Variants in CACNA2D3 observed in about 807,000 individuals in gnomAD.
CACNA2D3 encodes calcium voltage-gated channel auxiliary subunit alpha2delta 3, also known as voltage-dependent calcium channel subunit alpha-2/delta-3.
CACNA2D3 carries 60 observed loss-of-function variants against 160.6 expected under a neutral mutation model. The ratio of observed to expected loss-of-function variants is 0.37; its 90% confidence interval spans 0.30 to 0.46. The LOEUF (loss-of-function observed/expected upper bound fraction) is 0.46. CACNA2D3 is among the 20% of genes least tolerant of loss of function. The probability of loss-of-function intolerance (pLI) is 1.00; values close to 1 mark genes in which losing one functional copy is unlikely to be tolerated. For synonymous variants in CACNA2D3, 558 were observed against 492.9 expected (o/e 1.13, Z -1.75); for missense variants, 1,205 against 1,365.0 (o/e 0.88, Z 1.85).
chr3:54,264,146 C>A (rs375666393), intron 2 of CACNA2D3, among the ~76,000 whole-genome samples: 1 of 152,136 alleles, frequency 6.6e-6, no homozygotes, highest in South Asian at 2.1e-4. Flanking sequence ...TTAACATAAT[C>A]GGCTCTGGTG....
chr3:54,352,462 C>T (rs775533532), intron 3 of CACNA2D3, among the ~76,000 whole-genome samples: 11 of 152,120 alleles, frequency 7.2e-5, no homozygotes, highest in East Asian at 1.9e-4. Flanking sequence ...TGTTCTGTGC[C>T]GTTCACAGAC....
At chr3:55,008,515 A>G (rs1219963148) in intron 33 of CACNA2D3, among the ~76,000 whole-genome samples, 1 of 152,154 alleles carries the variant, frequency 6.6e-6, no homozygotes, top group Non-Finnish European at 1.5e-5. Context: ...CTTATTTCCT[A>G]CAGACTCCAG....
chr3:54,704,389 CCTT>C (rs1389523608), intron 11 of CACNA2D3, among the ~76,000 whole-genome samples: 5 of 152,108 alleles, frequency 3.3e-5, no homozygotes. Flanking sequence ...ACAGCTAAAA[CCTT>C]CTATTGGGGG....
rs182661173 is a variant in CACNA2D3, at chr3:54,865,818, C to T, written c.1627-5721C>T. 2.0e-5 allele frequency among the ~76,000 whole-genome samples: 3 copies of T among 152,316 alleles called. No individual in the cohort carries two copies. In the East Asian group the frequency reaches 5.8e-4, roughly 29 times the overall value. On this transcript the variant is annotated intron_variant, in intron 17 of 37. Coordinates refer to ENST00000474759, the MANE Select transcript of CACNA2D3 (RefSeq NM_018398.3). ...TTTTCAGGCCATATTTATTAAGACA[C>T]AGGATGTGCTGGGCTCCTTGCTAAA...
At chr3:55,026,877 T>C (rs1283628956) in intron 35 of CACNA2D3, among the ~76,000 whole-genome samples, 1 of 152,202 alleles carries the variant, frequency 6.6e-6, no homozygotes, top group African/African-American at 2.4e-5. Flanking sequence ...GATCAGATTC[T>C]AGATGATGGG....
At chr3:54,612,614 A>T (rs1469323112) in intron 9 of CACNA2D3, among the ~76,000 whole-genome samples, 1 of 152,152 alleles carries the variant, frequency 6.6e-6, no homozygotes, top group African/African-American at 2.4e-5. Flanking sequence ...AATTTCCTTT[A>T]ATTTCAATTA....
intron 9 of CACNA2D3, among the ~76,000 whole-genome samples, chr3:54,607,541 G>A (rs2884808): frequency 0.29 from 44,415 of 151,802 alleles, 7,736 homozygotes; most frequent in African/African-American, 0.48. Flanking sequence ...ACAATAGCCA[G>A]AGTAAAAAAA....
intron 16 of CACNA2D3, among the ~76,000 whole-genome samples, chr3:54,841,491 A>C (rs1698819121): frequency 6.6e-6 from 1 of 152,208 alleles, no homozygotes; most frequent in Admixed American, 6.5e-5. Context: ...AGCTTTGTGA[A>C]AGGGGTACGT....
chr3:54,501,794 A>T (rs1701298797), intron 4 of CACNA2D3, among the ~76,000 whole-genome samples: 1 of 152,170 alleles, frequency 6.6e-6, no homozygotes, highest in Non-Finnish European at 1.5e-5. Context: ...AGAACTTTTA[A>T]CAATTCTTGC....
At chr3:54,422,294 A>G (rs1217850238) in intron 4 of CACNA2D3, among the ~76,000 whole-genome samples, 1 of 152,222 alleles carries the variant, frequency 6.6e-6, no homozygotes, top group African/African-American at 2.4e-5. Flanking sequence ...GAGTTTGTGT[A>G]CTACAGGCCC....
At chr3:54,801,066 A>G (rs1702973945) in intron 13 of CACNA2D3, among the ~76,000 whole-genome samples, 1 of 151,098 alleles carries the variant, frequency 6.6e-6, no homozygotes, top group African/African-American at 2.4e-5. Flanking sequence ...AGCTCACTGT[A>G]ACCTCTGCTT....
intron 9 of CACNA2D3, among the ~76,000 whole-genome samples, chr3:54,598,512 T>C (rs1261388027): frequency 1.3e-5 from 2 of 151,946 alleles, no homozygotes; most frequent in Admixed American, 6.5e-5. Flanking sequence ...TATTGAGAGG[T>C]GTTTACATCC....
chr3:54,445,654 G>C (rs1208621478), intron 4 of CACNA2D3, among the ~76,000 whole-genome samples: 1 of 151,776 alleles, frequency 6.6e-6, no homozygotes, highest in Non-Finnish European at 1.5e-5. Flanking sequence ...TCTAGGAGGG[G>C]AGGAGGTAGG....
chr3:54,489,206 T>C (rs1438306493), intron 4 of CACNA2D3, among the ~76,000 whole-genome samples: 2 of 152,094 alleles, frequency 1.3e-5, no homozygotes, highest in Non-Finnish European at 2.9e-5. Context: ...CCTGAAGGAT[T>C]GCATGCTGGG....
rs1457618877 is a variant in CACNA2D3, at chr3:54,988,566, A to G, written c.2690+813A>G. ...CATATTTGATGCTGTTAAATATATAATGGCAGGAAATGCAAGGATGGCCCT... is the reference window on the plus strand; with the variant it reads ...CATATTTGATGCTGTTAAATATATAGTGGCAGGAAATGCAAGGATGGCCCT... On this transcript the variant is annotated intron_variant, in intron 31 of 37. Coordinates refer to ENST00000474759, the MANE Select transcript of CACNA2D3 (RefSeq NM_018398.3). Among the ~76,000 whole-genome samples, 5 of 152,174 alleles carry G rather than the reference A, an allele frequency of 3.3e-5. 1 individual carries two copies. In the South Asian group the frequency reaches 8.3e-4, roughly 25 times the overall value.
At chr3:54,970,449 C>CTTTCTT (rs1559450807) in intron 29 of CACNA2D3, among the ~76,000 whole-genome samples, 1 of 57,348 alleles carries the variant, frequency 1.7e-5, no homozygotes, top group South Asian at 7.4e-4. Flanking sequence ...CCTCCCCTCC[C>CTTTCTT]CTCCTCTCCT....
chr3:54,442,266 TTTGGCCAATGAGACA>T (rs1431679687), intron 4 of CACNA2D3, among the ~76,000 whole-genome samples: 1 of 152,164 alleles, frequency 6.6e-6, no homozygotes, highest in Non-Finnish European at 1.5e-5. Context: ...GTGGCCTAGT[TTTGGCCAATGAGACA>T]TTGGCAGAAG....
At chr3:54,617,445 C>A (rs560445956) in intron 9 of CACNA2D3, among the ~76,000 whole-genome samples, 4 of 152,284 alleles carry the variant, frequency 2.6e-5, no homozygotes, top group African/African-American at 7.2e-5. Flanking sequence ...CTGAATAAGT[C>A]AGAGGTCCCA....
intron 31 of CACNA2D3, among the ~76,000 whole-genome samples, chr3:55,001,688 C>T (rs1194878224): frequency 6.6e-6 from 1 of 152,212 alleles, no homozygotes; most frequent in African/African-American, 2.4e-5. Flanking sequence ...AGAGCCCGAA[C>T]TCTAACAAAG....
Sources: allele counts gnomAD v4.1 joint callset (sites outside exome capture counted in the v4.1 genomes callset), GRCh38; gene constraint gnomAD v4.1.1; transcripts MANE v1.5; gene names NCBI Gene and HGNC (gene_info 2026-07-23, HGNC 2026-07-21).